The following GALNT16 variants were observed in gnomAD, a reference collection of about 807,000 sequenced individuals.
GALNT16 encodes UDP-GalNAc:polypeptide N-acetylgalactosaminyltransferase-like protein 1.
GALNT16 carries 40 observed loss-of-function variants against 76.1 expected under a neutral mutation model. The ratio of observed to expected loss-of-function variants is 0.53; its 90% CI spans 0.41 to 0.68. The LOEUF (loss-of-function observed/expected upper bound fraction) is 0.68, where lower values mean the gene tolerates loss of function less well. Among genes scored for constraint, GALNT16 ranks in the 30% least tolerant of loss-of-function variants. GALNT16 has a pLI of 0.00. For missense variants in GALNT16, 621 were observed against 731.9 expected, an observed-to-expected ratio of 0.85 and a Z score of 1.75; for synonymous variants, 276 against 285.2, an observed-to-expected ratio of 0.97 and a Z score of 0.32.
downstream of GALNT16, chr14:69,356,554 C>CTTGTTTTTTTTTTTTTTTTTTTTTTTTT (rs2045694481): frequency 8.5e-6 from 1 of 117,330 alleles, no homozygotes; most frequent in African/African-American, 3.9e-5. Flanking sequence ...GCTGTGAGCT[C>CTTGTTTTTTTTTTTTTTTTTTTTTTTTT]TTTTTTTTTT....
chr14:69,263,823 G>A (rs534800564), intron 1 of GALNT16, among the ~76,000 whole-genome samples: 8 of 152,220 alleles, frequency 5.3e-5, no homozygotes, highest in Non-Finnish European at 1.0e-4. Context: ...AAGCTAAAGG[G>A]AGATACTGAT....
the GALNT16 span, chr14:69,380,427 G>A: frequency 1.6e-6 from 1 of 609,638 alleles, no homozygotes; most frequent in East Asian, 2.8e-5. Flanking sequence ...ATCTTGGCTA[G>A]AGTATAACAA....
the GALNT16 span, among the ~76,000 whole-genome samples, chr14:69,370,499 G>A: frequency 2.0e-5 from 3 of 152,158 alleles, no homozygotes; most frequent in Non-Finnish European, 2.9e-5. Context: ...TAGCACTACC[G>A]CTATGCAGTA....
rs202095390 is a variant in GALNT16, at chr14:69,341,806, G to C, written c.1271+42G>C. 250 of 1,374,234 alleles carry C rather than the reference G, an allele frequency of 1.8e-4. 1 individual carries two copies. The South Asian group carries it at 2.4e-3, about 13-fold the overall frequency. The allele number at this position is 1,374,234 out of a possible 1,614,324, so 85.1% of individuals were successfully genotyped here. ...TCTTGTGCATCCCCCAGGCGGGTAG[G>C]GGGTGGTTGGGGCCAGCGGCTTTGG... On this transcript the variant is annotated intron_variant, in intron 12 of 14. Coordinates refer to ENST00000448469, the MANE Select transcript of GALNT16 (RefSeq NM_001168368.2).
chr14:69,316,331 A>G lies in GALNT16; in HGVS notation c.178-4380A>G, dbSNP rs983333307. 3.3e-5 allele frequency among the ~76,000 whole-genome samples: 5 copies of G among 152,240 alleles called. No individual in the cohort carries two copies. In the East Asian group the frequency reaches 9.6e-4, roughly 29 times the overall value. ...TAGCTATTGTTTTTGAGTGCCTACA[A>G]TCACCAAGGTTTTTCTCTGGGCTTT... is the stretch of plus-strand genomic sequence containing the variant. On this transcript the variant is annotated intron_variant, in intron 1 of 14. Coordinates refer to ENST00000448469, the MANE Select transcript of GALNT16 (RefSeq NM_001168368.2).
chr14:69,354,207 T>C lies in GALNT16; in HGVS notation c.*2039T>C, dbSNP rs2045672654. ...AGAAGGCCTGGGCCACACTCGGGCA[T>C]GGACCTTTGGGGCTGGGGAGCCGGG... On this transcript the variant is annotated 3_prime_UTR_variant, in exon 15 of 15. Coordinates refer to ENST00000448469, the MANE Select transcript of GALNT16 (RefSeq NM_001168368.2). 6.5e-6 allele frequency: 1 copy of C among 153,182 alleles called. No homozygotes were observed. The highest frequency in any genetic ancestry group is 6.5e-5 in the Admixed American group (1 of 15,298). The allele number at this position is 153,182 out of a possible 1,614,324, so 9.5% of individuals were successfully genotyped here.
At chr14:69,328,322 CA>C in intron 5 of GALNT16, 127 bp from the exon 6 acceptor site, 1 of 973,096 alleles carries the variant, frequency 1.0e-6, no homozygotes, top group Non-Finnish European at 1.5e-6. Flanking sequence ...AGTATAAAGT[CA>C]AATCTAATCA....
At chr14:69,297,920 CAATT>C (rs779702707) in intron 1 of GALNT16, among the ~76,000 whole-genome samples, 4 of 152,136 alleles carry the variant, frequency 2.6e-5, no homozygotes, top group Non-Finnish European at 4.4e-5. Flanking sequence ...TGCTCGATCT[CAATT>C]AATCCTTGAA....
Position 69,261,752 on chromosome 14 carries a change from G to T in GALNT16, c.177+1285G>T, listed in dbSNP as rs563619491. ...ATTCCCATCCTGCCCCAGATTCCGA[G>T]TCCCCTGCAAAGGAAACATTATTTC... On this transcript the variant is annotated intron_variant, in intron 1 of 14. Transcript: ENST00000448469. The surrounding 1 kb of genome is among the most constrained non-coding windows in gnomAD (Gnocchi z 6.4). Among the ~76,000 whole-genome samples the T allele has an allele frequency of 1.3e-5, 2 of 152,182 alleles. No homozygotes were observed. The highest frequency in any genetic ancestry group is 3.9e-4 in the East Asian group (2 of 5,176).
At chr14:69,314,606 C>T (rs1169382889) in intron 1 of GALNT16, among the ~76,000 whole-genome samples, 1 of 152,236 alleles carries the variant, frequency 6.6e-6, no homozygotes, top group Non-Finnish European at 1.5e-5. Flanking sequence ...GAGGCAGGCT[C>T]AGGGAGGCCC....
chr14:69,314,196 C>T lies in GALNT16; in HGVS notation c.178-6515C>T, dbSNP rs528144827. On this transcript the variant is annotated intron_variant, in intron 1 of 14. Coordinates refer to ENST00000448469, the MANE Select transcript of GALNT16 (RefSeq NM_001168368.2). ...CAACGTATATAATAATAGTTAATAACAATTCGTTAGTTAATAATAATAATC... is the reference window on the plus strand; with the variant it reads ...CAACGTATATAATAATAGTTAATAATAATTCGTTAGTTAATAATAATAATC... Among the ~76,000 whole-genome samples the T allele has an allele frequency of 6.6e-5, 10 of 152,366 alleles. No homozygotes were observed. The East Asian group carries it at 1.9e-3, about 29-fold the overall frequency.
the GALNT16 span, chr14:69,380,514 ACC>A: frequency 8.2e-7 from 1 of 1,219,016 alleles, no homozygotes; most frequent in Non-Finnish European, 1.2e-6. Context: ...GCCCACCCCA[ACC>A]CCCCCAGTGC....
At chr14:69,342,184 A>C (rs2045496296) in intron 12 of GALNT16, among the ~76,000 whole-genome samples, 1 of 152,106 alleles carries the variant, frequency 6.6e-6, no homozygotes, top group Non-Finnish European at 1.5e-5. Flanking sequence ...ACAGTGGGTT[A>C]TGCCTGTAAT....
In GALNT16 at chr14:69,351,943, G is replaced by A; in HGVS notation, c.1540-88G>A. 4.8e-6 allele frequency: 6 copies of A among 1,244,892 alleles called. No homozygotes were observed. The South Asian group carries it at 8.4e-5, about 17-fold the overall frequency. 77.1% of individuals were successfully genotyped at this position (1,244,892 alleles called of 1,614,324 possible). A position where few individuals can be genotyped will look rare whatever the true frequency, so the allele number is the denominator to read the frequency against. On this transcript the variant is annotated intron_variant, in intron 14 of 14. Coordinates refer to ENST00000448469, the MANE Select transcript of GALNT16 (RefSeq NM_001168368.2). Reference sequence around the variant, plus strand: ...TGTCCTAGTTATATACAAGGGCTGTGTGCATACATGTGGAATGAAAGTACA... The same window carrying A: ...TGTCCTAGTTATATACAAGGGCTGTATGCATACATGTGGAATGAAAGTACA...
At chr14:69,292,416 G>C (rs899637353) in intron 1 of GALNT16, among the ~76,000 whole-genome samples, 3 of 152,244 alleles carry the variant, frequency 2.0e-5, no homozygotes, top group Non-Finnish European at 4.4e-5. Flanking sequence ...CCTCCTAGGA[G>C]AGGAGCCTGA....
chr14:69,375,612 T>A, the GALNT16 span, among the ~76,000 whole-genome samples: 2 of 152,164 alleles, frequency 1.3e-5, no homozygotes, highest in East Asian at 1.9e-4. Context: ...TCTTTTTTTT[T>A]AAAGTGATTT....
chr14:69,371,447 A>G, the GALNT16 span, among the ~76,000 whole-genome samples: 1 of 150,760 alleles, frequency 6.6e-6, no homozygotes, highest in South Asian at 2.1e-4. Flanking sequence ...TAGTAGAGAC[A>G]GGGTTTCACC....
intron 1 of GALNT16, among the ~76,000 whole-genome samples, chr14:69,277,736 C>T (rs1271009430): frequency 6.6e-6 from 1 of 152,168 alleles, no homozygotes; most frequent in African/African-American, 2.4e-5. Flanking sequence ...TGGGTATATA[C>T]CCAGTAATGG....
intron 1 of GALNT16, among the ~76,000 whole-genome samples, chr14:69,311,498 T>A (rs2045019825): frequency 6.6e-6 from 1 of 152,198 alleles, no homozygotes; most frequent in Non-Finnish European, 1.5e-5. Context: ...GCAGGCTGAT[T>A]TTTCCCAAGT....
Sources: allele counts gnomAD v4.1 joint callset (sites outside exome capture counted in the v4.1 genomes callset), GRCh38; gene constraint gnomAD v4.1.1; non-coding constraint Gnocchi (gnomAD v3.1); transcripts MANE v1.5; gene names NCBI Gene and HGNC (gene_info 2026-07-23, HGNC 2026-07-21).